Variants in BRINP3 observed in about 807,000 individuals in gnomAD.
BRINP3 encodes BMP/retinoic acid-inducible neural-specific protein 3.
Under a neutral mutation model 71.0 loss-of-function variants are expected in BRINP3, and 19 were observed. That is an observed-to-expected ratio of 0.27 (90% CI 0.19 to 0.39). The LOEUF (loss-of-function observed/expected upper bound fraction) is 0.39. Among genes scored for constraint, BRINP3 ranks in the 10% least tolerant of loss-of-function variants. The pLI, the probability that BRINP3 is intolerant of heterozygous loss-of-function variation, is 1.00. For missense variants in BRINP3, 959 were observed against 940.8 expected (o/e 1.02, Z -0.25); for synonymous variants, 380 against 337.7 (o/e 1.13, Z -1.37).
At chr1:190,439,272 A>C (rs1674661695) in intron 2 of BRINP3, among the ~76,000 whole-genome samples, 1 of 151,950 alleles carries the variant, frequency 6.6e-6, no homozygotes. Context: ...TAGTAGAATA[A>C]AGGGAAAATG....
At chr1:190,457,483 C>A (rs1346545588) in intron 1 of BRINP3, among the ~76,000 whole-genome samples, 1 of 83,920 alleles carries the variant, frequency 1.2e-5, no homozygotes, top group East Asian at 3.6e-4. Flanking sequence ...AAACACCCAG[C>A]CCTTCTACTA....
intron 7 of BRINP3, among the ~76,000 whole-genome samples, chr1:190,110,030 T>C (rs1358975649): frequency 6.6e-6 from 1 of 152,214 alleles, no homozygotes; most frequent in Non-Finnish European, 1.5e-5. Context: ...TATATCTGTA[T>C]ATATCTATTC....
At position 190,097,808 on chromosome 1, in the gene BRINP3, T is replaced by A; in HGVS notation, c.*210A>T. ...AAGTAGAATGTCTTCTAGACTGGTG[T>A]CAGTATTTATGTCATTCATAAACCA... On this transcript the variant is annotated 3_prime_UTR_variant, in exon 8 of 8. Coordinates refer to ENST00000367462, the MANE Select transcript of BRINP3 (RefSeq NM_199051.3). 1.9e-6 allele frequency: 1 copy of A among 516,464 alleles called. No individual in the cohort carries two copies. Among genetic ancestry groups the A allele is most frequent in the Non-Finnish European group, 3.4e-6 (1 of 294,474 alleles). 32.0% of individuals were successfully genotyped at this position (516,464 alleles called of 1,614,324 possible).
intron 2 of BRINP3, among the ~76,000 whole-genome samples, chr1:190,422,451 C>T (rs544566277): frequency 4.6e-5 from 7 of 151,808 alleles, no homozygotes; most frequent in African/African-American, 1.7e-4. Context: ...TTTCAGAAAC[C>T]ATCAAAGCAA....
At chr1:190,292,689 T>C (rs551255786) in intron 2 of BRINP3, among the ~76,000 whole-genome samples, 12 of 152,206 alleles carry the variant, frequency 7.9e-5, no homozygotes, top group Non-Finnish European at 1.5e-4. Flanking sequence ...AAGTCTATTT[T>C]TGATGGGAGA....
intron 2 of BRINP3, among the ~76,000 whole-genome samples, chr1:190,292,860 C>A (rs1464236927): frequency 1.3e-5 from 2 of 151,912 alleles, no homozygotes; most frequent in African/African-American, 4.8e-5. Flanking sequence ...TAGTCTCTAA[C>A]AATCTTTTGT....
At chr1:190,400,475 T>C (rs1453316150) in intron 2 of BRINP3, among the ~76,000 whole-genome samples, 2 of 152,156 alleles carry the variant, frequency 1.3e-5, no homozygotes, top group Non-Finnish European at 2.9e-5. Flanking sequence ...AAAGAGAAAG[T>C]TTAATTCTAG....
At chr1:190,419,179 A>C (rs1165417655) in intron 2 of BRINP3, among the ~76,000 whole-genome samples, 1 of 152,102 alleles carries the variant, frequency 6.6e-6, no homozygotes, top group African/African-American at 2.4e-5. Flanking sequence ...TCATATCAAA[A>C]GGGGAAATAA....
At chr1:190,241,885 A>T (rs917414115) in intron 4 of BRINP3, among the ~76,000 whole-genome samples, 1 of 151,616 alleles carries the variant, frequency 6.6e-6, no homozygotes, top group Non-Finnish European at 1.5e-5. Flanking sequence ...GAAAATATAT[A>T]TTTTCCCTTC....
intron 4 of BRINP3, among the ~76,000 whole-genome samples, chr1:190,259,226 G>A (rs1429318568): frequency 2.0e-5 from 3 of 149,900 alleles, no homozygotes; most frequent in Non-Finnish European, 4.4e-5. Flanking sequence ...TTGAATATAG[G>A]CATACCAATC....
intron 2 of BRINP3, among the ~76,000 whole-genome samples, chr1:190,386,040 A>G (rs919112100): frequency 2.9e-5 from 4 of 137,372 alleles, no homozygotes; most frequent in African/African-American, 5.4e-5. Context: ...ATGAGATCAC[A>G]TGGACACAGG....
At position 190,277,113 on chromosome 1, in the gene BRINP3, A is replaced by ATATATATATATATATATATATACATT; in HGVS notation, c.427+4446_427+4447insAATGTATATATATATATATATATATA. Reference sequence around the variant, plus strand: ...TATATATATATATATATATATATATATATATTTATATTCAGAAAAGAAAAC... The same window carrying ATATATATATATATATATATATACATT: ...TATATATATATATATATATATATATATATATATATATATATATATATACATTTATATTTATATTCAGAAAAGAAAAC... On this transcript the variant is annotated intron_variant, in intron 3 of 7. Coordinates refer to ENST00000367462, the MANE Select transcript of BRINP3 (RefSeq NM_199051.3). Among the ~76,000 whole-genome samples, 2 of 107,486 alleles carry ATATATATATATATATATATATACATT rather than the reference A, an allele frequency of 1.9e-5. 1 individual carries two copies. Among genetic ancestry groups the ATATATATATATATATATATATACATT allele is most frequent in the South Asian group, 7.6e-4 (2 of 2,620 alleles). The allele number at this position is 107,486 out of a possible 152,430, so 70.5% of individuals were successfully genotyped here. A position where few individuals can be genotyped will look rare whatever the true frequency, so the allele number is the denominator to read the frequency against.
intron 2 of BRINP3, among the ~76,000 whole-genome samples, chr1:190,451,501 T>C (rs1213223305): frequency 6.6e-6 from 1 of 152,164 alleles, no homozygotes; most frequent in Non-Finnish European, 1.5e-5. Flanking sequence ...AGTGTCCCCC[T>C]GTTCTATGCG....
At chr1:190,198,407 C>A (rs767762382) in intron 6 of BRINP3, among the ~76,000 whole-genome samples, 9 of 152,186 alleles carry the variant, frequency 5.9e-5, no homozygotes, top group Non-Finnish European at 1.2e-4. Context: ...CATCAGGCTG[C>A]AAATTTTCTG....
intron 2 of BRINP3, among the ~76,000 whole-genome samples, chr1:190,305,640 A>G (rs1288645704): frequency 6.6e-6 from 1 of 151,722 alleles, no homozygotes; most frequent in East Asian, 1.9e-4. Context: ...CCCCAGCTTC[A>G]TAGGAGCAAT....
Position 190,111,767 on chromosome 1 carries a change from G to C in BRINP3, c.1185-12633C>G, listed in dbSNP as rs544473111. ...CATAAGGAAACTTGAGGGGAAAGGA[G>C]GGTGAATCATAATTGGCCCTGAAAT... On this transcript the variant is annotated intron_variant, in intron 7 of 7. Transcript: ENST00000367462. Among the ~76,000 whole-genome samples, 12 of 152,194 alleles carry C rather than the reference G, an allele frequency of 7.9e-5. No homozygotes were observed. In the South Asian group the frequency reaches 2.5e-3, roughly 32 times the overall value.
intron 6 of BRINP3, among the ~76,000 whole-genome samples, chr1:190,212,587 TCTAA>T (rs1443775337): frequency 2.0e-5 from 3 of 152,130 alleles, no homozygotes; most frequent in African/African-American, 4.8e-5. Flanking sequence ...TGGCTGACAT[TCTAA>T]CTGTTTGCAA....
intron 6 of BRINP3, among the ~76,000 whole-genome samples, chr1:190,198,950 C>T (rs142535274): frequency 1.3e-5 from 2 of 152,216 alleles, no homozygotes; most frequent in African/African-American, 4.8e-5. Context: ...TACCACACTG[C>T]TAATAAAGAC....
At chr1:190,288,431 G>A (rs1049135210) in intron 2 of BRINP3, among the ~76,000 whole-genome samples, 5 of 151,790 alleles carry the variant, frequency 3.3e-5, no homozygotes, top group African/African-American at 7.3e-5. Flanking sequence ...ATTTTAGATA[G>A]GGAATTTTAA....
Sources: allele counts gnomAD v4.1 joint callset (sites outside exome capture counted in the v4.1 genomes callset), GRCh38; gene constraint gnomAD v4.1.1; transcripts MANE v1.5; gene names NCBI Gene and HGNC (gene_info 2026-07-23, HGNC 2026-07-21).